The following ARHGEF28 variants were observed in gnomAD, a reference collection of about 807,000 sequenced individuals.
ARHGEF28 encodes 190 kDa guanine nucleotide exchange factor.
ARHGEF28 carries 152 observed loss-of-function variants against 206.6 expected under a neutral mutation model. The ratio of observed to expected loss-of-function variants is 0.74; its 90% CI spans 0.64 to 0.84. The LOEUF (loss-of-function observed/expected upper bound fraction) is 0.84. Among genes scored for constraint, ARHGEF28 ranks in the 40% least tolerant of loss-of-function variants. The pLI is 0.00. For synonymous variants in ARHGEF28, 763 were observed against 776.4 expected (o/e 0.98, Z 0.29); for missense variants, 2,028 against 2,073.2 (o/e 0.98, Z 0.42).
At position 73,817,390 on chromosome 5, in the gene ARHGEF28, A is replaced by G. The variant is rs183067985; in HGVS notation, c.1025-14948A>G. Among the ~76,000 whole-genome samples, 238 of 152,322 alleles carry G rather than the reference A, an allele frequency of 1.6e-3. 2 individuals carry two copies. The highest frequency in any genetic ancestry group is 9.6e-4 in the Non-Finnish European group (65 of 68,018). ...CTAATATTTATATGGTACCCTATTA[A>G]TCATAACTACTCTTTACTAAGCTAT... is the stretch of plus-strand genomic sequence containing the variant. On this transcript the variant is annotated intron_variant, in intron 9 of 35. Transcript: ENST00000513042.
At chr5:73,874,763 G>T (rs1293758572) in intron 22 of ARHGEF28, among the ~76,000 whole-genome samples, 1 of 149,612 alleles carries the variant, frequency 6.7e-6, no homozygotes, top group Non-Finnish European at 1.5e-5. Context: ...ATTTTTTATG[G>T]CTGCATAGTA....
At chr5:73,782,692 A>C (rs890656968) in intron 7 of ARHGEF28, among the ~76,000 whole-genome samples, 1 of 152,170 alleles carries the variant, frequency 6.6e-6, no homozygotes, top group Non-Finnish European at 1.5e-5. Flanking sequence ...CTGCCCAAGA[A>C]GGTGGTGGGC....
chr5:73,685,145 A>G (rs1410670719), intron 2 of ARHGEF28, among the ~76,000 whole-genome samples: 1 of 152,228 alleles, frequency 6.6e-6, no homozygotes, highest in African/African-American at 2.4e-5. Flanking sequence ...CAGTTCACTC[A>G]TATGAGTGGT....
At position 73,846,306 on chromosome 5, in the gene ARHGEF28, A is replaced by C. The variant is rs749123104; in HGVS notation, c.1466A>C (p.Glu489Ala). 5.0e-6 allele frequency: 8 copies of C among 1,613,472 alleles called. No individual in the cohort carries two copies. The highest frequency in any genetic ancestry group is 1.1e-5 in the South Asian group (1 of 91,064). ...GCCTTGGACGCCGACAGTGAAGGGGAAGGGCATTCTGAGCCATCCCACATC... is the reference window on the plus strand; with the variant it reads ...GCCTTGGACGCCGACAGTGAAGGGGCAGGGCATTCTGAGCCATCCCACATC... The part of the protein sequence containing the change: ...LDALDADSEG[E>A]GHSEPSHICY... Residue 489 changes from glutamate to alanine, a missense_variant, in exon 12 of 36, where the codon GAA becomes GCA. Physicochemically the swap from Glu to Ala is moderately radical, Grantham distance 107. Coordinates refer to ENST00000513042, the MANE Select transcript of ARHGEF28 (RefSeq NM_001177693.2).
chr5:73,760,270 T>G (rs943224825), intron 4 of ARHGEF28, among the ~76,000 whole-genome samples: 2 of 152,066 alleles, frequency 1.3e-5, no homozygotes, highest in Non-Finnish European at 2.9e-5. Context: ...AAGGACAGAT[T>G]TATTACAAAA....
rs535140425 is a variant in ARHGEF28, at chr5:73,941,791, C to G, written c.*778C>G. The G allele has an allele frequency of 1.3e-5, 2 of 152,308 alleles. No individual in the cohort carries two copies. The highest frequency in any genetic ancestry group is 6.5e-5 in the Admixed American group (1 of 15,286). The allele number at this position is 152,308 out of a possible 1,614,324, so 9.4% of individuals were successfully genotyped here. On this transcript the variant is annotated 3_prime_UTR_variant, in exon 36 of 36. Transcript: ENST00000513042. Reference sequence around the variant, plus strand: ...ACCAACTACCACTCCCTGGAAAGAACCCTTCCCTGCAGTTTTTTAAGGACA... The same window carrying G: ...ACCAACTACCACTCCCTGGAAAGAAGCCTTCCCTGCAGTTTTTTAAGGACA...
In ARHGEF28 at chr5:73,885,929, C is replaced by T. The variant is rs147215090; in HGVS notation, c.3135C>T (p.Val1045=). Residue 1045 remains valine, a synonymous_variant, in exon 25 of 36, where the codon GTC becomes GTT. Transcript: ENST00000513042. ...KDMIATVDLK[V]NEYEKNQKWL... ...TGATTGCAACAGTGGATTTAAAAGT[C>T]AATGAATATGAGAAAAACCAAAAAT... is the stretch of plus-strand genomic sequence containing the variant. The T allele has an allele frequency of 3.5e-5, 57 of 1,613,418 alleles. No homozygotes were observed. In the African/African-American group the frequency reaches 6.9e-4, roughly 20 times the overall value.
At chr5:73,766,690 AT>A (rs1172725075) in intron 4 of ARHGEF28, among the ~76,000 whole-genome samples, 2 of 152,264 alleles carry the variant, frequency 1.3e-5, no homozygotes, top group African/African-American at 4.8e-5. Flanking sequence ...TTATTAAAAA[AT>A]AATAAAATAA....
intron 1 of ARHGEF28, among the ~76,000 whole-genome samples, chr5:73,642,843 C>G (rs1021389536): frequency 4.6e-5 from 7 of 151,860 alleles, no homozygotes; most frequent in Admixed American, 4.6e-4. Context: ...TGTGGCTGCT[C>G]CCTGAAAAAA....
chr5:73,679,837 A>G (rs1021067172), intron 1 of ARHGEF28, among the ~76,000 whole-genome samples: 6 of 152,198 alleles, frequency 3.9e-5, no homozygotes, highest in African/African-American at 1.4e-4. Flanking sequence ...ACTTTGCCAC[A>G]ATATAACCAG....
At chr5:73,801,235 G>A (rs1021200002) in intron 9 of ARHGEF28, among the ~76,000 whole-genome samples, 4 of 151,806 alleles carry the variant, frequency 2.6e-5, no homozygotes, top group Non-Finnish European at 4.4e-5. Context: ...TCACGAGGTC[G>A]GGAGATCGAG....
chr5:73,664,222 G>T (rs1745802155), intron 1 of ARHGEF28, among the ~76,000 whole-genome samples: 1 of 152,230 alleles, frequency 6.6e-6, no homozygotes, highest in Non-Finnish European at 1.5e-5. Flanking sequence ...TCAAATCATG[G>T]AACCAGTGGG....
intron 1 of ARHGEF28, among the ~76,000 whole-genome samples, chr5:73,643,980 A>G: frequency 6.6e-6 from 1 of 151,556 alleles, no homozygotes; most frequent in East Asian, 1.9e-4. Context: ...TGCTAGGACC[A>G]CTCAGTATGT....
At chr5:73,873,288 G>A in intron 22 of ARHGEF28, 42 bp downstream of exon 22, 1 of 1,556,950 alleles carries the variant, frequency 6.4e-7, no homozygotes, top group South Asian at 1.2e-5. Context: ...GACGTAAGTG[G>A]GATTTGAATC....
chr5:73,882,462 A>T lies in ARHGEF28; in HGVS notation c.2815-10A>T, dbSNP rs769415886. 4.2e-5 allele frequency: 60 copies of T among 1,412,322 alleles called. No homozygotes were observed. The East Asian group carries it at 1.5e-3, about 35-fold the overall frequency. 87.5% of individuals were successfully genotyped at this position (1,412,322 alleles called of 1,614,324 possible). A position where few individuals can be genotyped will look rare whatever the true frequency, so the allele number is the denominator to read the frequency against. ...ATTTACAAACCATTATTTAAATGTTATTCTTCCAGTTTTCAGAAGAAAATG... is the reference window on the plus strand; with the variant it reads ...ATTTACAAACCATTATTTAAATGTTTTTCTTCCAGTTTTCAGAAGAAAATG... On this transcript the variant is annotated splice_polypyrimidine_tract_variant and intron_variant, in intron 22 of 35. Transcript: ENST00000513042.
intron 2 of ARHGEF28, among the ~76,000 whole-genome samples, chr5:73,694,872 C>T (rs1202926877): frequency 1.3e-5 from 2 of 152,264 alleles, no homozygotes; most frequent in Non-Finnish European, 2.9e-5. Flanking sequence ...AACAAGGTCT[C>T]ACGTCCCTGC....
rs375316194 is a variant in ARHGEF28 at position 73,782,542 on chromosome 5, A to G, written c.910+1797A>G. On this transcript the variant is annotated intron_variant, in intron 7 of 35. Transcript: ENST00000513042. ...TCTGTGTGGCCCATCCCGACTGCAT[A>G]TGTTCCTGGGTTAAGCCCGAGCAGC... is the stretch of plus-strand genomic sequence containing the variant. Among the ~76,000 whole-genome samples the G allele has an allele frequency of 3.3e-4, 50 of 152,308 alleles. No individual in the cohort carries two copies. The South Asian group carries it at 1.0e-2, about 30-fold the overall frequency.
intron 35 of ARHGEF28, among the ~76,000 whole-genome samples, chr5:73,927,740 T>G (rs530359314): frequency 6.6e-5 from 10 of 152,368 alleles, no homozygotes; most frequent in African/African-American, 2.2e-4. Flanking sequence ...ATTTTATAAT[T>G]GTATAATTCC....
intron 4 of ARHGEF28, among the ~76,000 whole-genome samples, chr5:73,757,026 C>G (rs1391331387): frequency 6.6e-6 from 1 of 152,146 alleles, no homozygotes; most frequent in Non-Finnish European, 1.5e-5. Context: ...TATTCATAAC[C>G]ATTTGGTGGG....
Sources: allele counts gnomAD v4.1 joint callset (sites outside exome capture counted in the v4.1 genomes callset), GRCh38; gene constraint gnomAD v4.1.1; transcripts MANE v1.5; gene names NCBI Gene and HGNC (gene_info 2026-07-23, HGNC 2026-07-21).